The following PLCH1 variants were observed in gnomAD, a reference collection of about 807,000 sequenced individuals.
The protein encoded by PLCH1 is phospholipase C eta 1.
A neutral mutation model predicts 126.7 loss-of-function variants in PLCH1; 60 were observed. That is an observed-to-expected ratio of 0.47 (90% CI 0.38 to 0.59). PLCH1 has a LOEUF of 0.59. Ranked by LOEUF, PLCH1 falls within the 20% of genes least tolerant of loss-of-function variation. The pLI is 0.00. For synonymous variants in PLCH1, 719 were observed against 734.9 expected, an observed-to-expected ratio of 0.98 and a Z score of 0.35; for missense variants, 1,723 against 2,040.0, an observed-to-expected ratio of 0.84 and a Z score of 2.99.
chr3:155,720,040 C>T (rs570043077), intron 1 of PLCH1, among the ~76,000 whole-genome samples: 3 of 152,108 alleles, frequency 2.0e-5, no homozygotes, highest in African/African-American at 4.8e-5. Context: ...ATGATCCACC[C>T]GCCTCAGCTT....
chr3:155,617,915 G>A (rs1376473561), intron 2 of PLCH1, among the ~76,000 whole-genome samples: 1 of 152,178 alleles, frequency 6.6e-6, no homozygotes, highest in Non-Finnish European at 1.5e-5. Context: ...CCATAGGAGA[G>A]GAATTCATCC....
At chr3:155,541,798 C>T (rs1478230640) in intron 10 of PLCH1, among the ~76,000 whole-genome samples, 1 of 144,388 alleles carries the variant, frequency 6.9e-6, no homozygotes, top group African/African-American at 2.5e-5. Flanking sequence ...CATAGAGTTG[C>T]CACAAACCTT....
intron 2 of PLCH1, among the ~76,000 whole-genome samples, chr3:155,642,376 T>C (rs927886332): frequency 3.3e-5 from 5 of 152,208 alleles, no homozygotes; most frequent in African/African-American, 1.2e-4. Context: ...GTCTCCACCA[T>C]CACCTTCACT....
chr3:155,578,349 T>C (rs1287856799), intron 6 of PLCH1, among the ~76,000 whole-genome samples: 1 of 152,244 alleles, frequency 6.6e-6, no homozygotes, highest in Non-Finnish European at 1.5e-5. Context: ...ATCTGTTTAA[T>C]TCTTAAGAAA....
intron 18 of PLCH1, among the ~76,000 whole-genome samples, chr3:155,492,219 A>G (rs962958511): frequency 1.3e-5 from 2 of 152,206 alleles, no homozygotes; most frequent in Admixed American, 6.5e-5. Context: ...TATAATGGAA[A>G]CAATGGGCTA....
At chr3:155,685,037 C>T (rs565024208) in intron 2 of PLCH1, among the ~76,000 whole-genome samples, 76 of 152,184 alleles carry the variant, frequency 5.0e-4, no homozygotes, top group Non-Finnish European at 9.1e-4. Flanking sequence ...TGTCTTGCTC[C>T]CTGATGTATC....
At chr3:155,610,391 C>CAAAAAAAAA (rs1381881513) in intron 2 of PLCH1, among the ~76,000 whole-genome samples, 8 of 60,778 alleles carry the variant, frequency 1.3e-4, no homozygotes, top group African/African-American at 5.1e-4. Context: ...AAAAAAAAAC[C>CAAAAAAAAA]ATCACCTAGG....
intron 1 of PLCH1, among the ~76,000 whole-genome samples, chr3:155,733,746 TAAAG>T (rs1431091797): frequency 1.3e-5 from 2 of 151,636 alleles, no homozygotes; most frequent in Non-Finnish European, 2.9e-5. Flanking sequence ...AGAGAATGAA[TAAAG>T]AGACGACCTG....
At chr3:155,483,383 A>G (rs1374320548) in intron 22 of PLCH1, 1 of 1,541,428 alleles carries the variant, frequency 6.5e-7, no homozygotes, top group South Asian at 1.2e-5. Context: ...TGTACTACAC[A>G]GAAGCATGGC....
chr3:155,650,803 C>T (rs1191658207), intron 2 of PLCH1, among the ~76,000 whole-genome samples: 7 of 152,000 alleles, frequency 4.6e-5, no homozygotes, highest in African/African-American at 1.7e-4. Flanking sequence ...TATGGGAGGC[C>T]GAGGCGGGTG....
At chr3:155,582,669 A>T (rs1219097483) in intron 6 of PLCH1, among the ~76,000 whole-genome samples, 2 of 152,192 alleles carry the variant, frequency 1.3e-5, no homozygotes, top group African/African-American at 4.8e-5. Context: ...CTTTATATTA[A>T]GACGATTGGT....
chr3:155,522,391 T>G (rs1721220977), intron 11 of PLCH1, among the ~76,000 whole-genome samples: 1 of 152,252 alleles, frequency 6.6e-6, no homozygotes, highest in African/African-American at 2.4e-5. Flanking sequence ...ATAGCCCTAT[T>G]AATTAATGGT....
intron 21 of PLCH1, among the ~76,000 whole-genome samples, chr3:155,452,968 C>T (rs563148790): frequency 2.6e-4 from 39 of 152,206 alleles, no homozygotes; most frequent in African/African-American, 8.7e-4. Context: ...ATGAGGATAT[C>T]GATCAGGAAA....
At chr3:155,514,051 G>A (rs1419213673) in intron 12 of PLCH1, among the ~76,000 whole-genome samples, 1 of 152,132 alleles carries the variant, frequency 6.6e-6, no homozygotes, top group Non-Finnish European at 1.5e-5. Flanking sequence ...AGATGACACT[G>A]ATGGCATGAT....
chr3:155,520,470 G>A (rs1264002636), intron 11 of PLCH1, among the ~76,000 whole-genome samples: 2 of 152,206 alleles, frequency 1.3e-5, no homozygotes, highest in Non-Finnish European at 2.9e-5. Context: ...TATGGGATCA[G>A]CTTTACGTAG....
chr3:155,567,971 G>A (rs189858458), intron 7 of PLCH1, among the ~76,000 whole-genome samples: 319 of 152,310 alleles, frequency 2.1e-3, no homozygotes, highest in African/African-American at 7.2e-3. Flanking sequence ...AATATGTCAT[G>A]GCATCCATCA....
rs1713839764 is a variant in PLCH1 at position 155,480,498 on chromosome 3, T to C, written c.*470A>G. 6.7e-6 allele frequency: 1 copy of C among 149,702 alleles called. No homozygotes were observed. The highest frequency in any genetic ancestry group is 2.4e-5 in the African/African-American group (1 of 41,084). The allele number at this position is 149,702 out of a possible 1,614,324, so 9.3% of individuals were successfully genotyped here. Reference sequence around the variant, plus strand: ...TTTAAAACTGAGTTATAAAAATGCATCTGGGCTTCTGAACAAAGAGGGAAA... The same window carrying C: ...TTTAAAACTGAGTTATAAAAATGCACCTGGGCTTCTGAACAAAGAGGGAAA... On this transcript the variant is annotated 3_prime_UTR_variant, in exon 23 of 23. Transcript: ENST00000460012.
rs199788877 is a variant in PLCH1 at position 155,481,799 on chromosome 3, G to A, written c.4227C>T (p.Val1409=). The A allele has an allele frequency of 3.7e-6, 6 of 1,614,118 alleles. No individual in the cohort carries two copies. Among genetic ancestry groups the A allele is most frequent in the Non-Finnish European group, 5.1e-6 (6 of 1,179,982 alleles). The change falls in exon 23 of 23, where the codon GTC becomes GTT. Residue 1409 remains valine, a synonymous_variant. Transcript: ENST00000460012. The surrounding 1 kb of genome is among the most constrained non-coding windows in gnomAD (Gnocchi z 4.2). The part of the protein sequence containing the change: ...GYCKETLRPS[V]PEIFNNIQDV... Reference sequence around the variant, plus strand: ...CTTGAATATTGTTGAATATTTCAGGGACAGAAGGGCGGAGGGTCTCTTTAC... The same window carrying A: ...CTTGAATATTGTTGAATATTTCAGGAACAGAAGGGCGGAGGGTCTCTTTAC...
chr3:155,471,204 T>C (rs1713211686), intron 21 of PLCH1, among the ~76,000 whole-genome samples: 2 of 152,106 alleles, frequency 1.3e-5, no homozygotes, highest in South Asian at 2.1e-4. Flanking sequence ...GACACACACA[T>C]AGGCTCAAAA....
Sources: gnomAD v4.1 joint callset for allele counts (sites outside exome capture counted in the v4.1 genomes callset) on GRCh38, gnomAD v4.1.1 for gene constraint, Gnocchi (gnomAD v3.1) non-coding constraint, MANE v1.5 for transcripts, NCBI Gene and HGNC (gene_info 2026-07-23, HGNC 2026-07-21) for gene names.